The following CPXM2 variants were observed in gnomAD, a reference collection of about 807,000 sequenced individuals.
CPXM2 encodes the protein carboxypeptidase X, M14 family member 2, also known as inactive carboxypeptidase-like protein X2.
A neutral mutation model predicts 86.1 loss-of-function variants in CPXM2; 66 were observed. The observed-to-expected ratio is 0.77, with a 90% CI of 0.63 to 0.94. The LOEUF (loss-of-function observed/expected upper bound fraction) is 0.94. CPXM2 is among the 40% of genes least tolerant of loss of function. The pLI is 0.00. For synonymous variants in CPXM2, 388 were observed against 400.2 expected (o/e 0.97, Z 0.36); for missense variants, 948 against 1,026.3 (o/e 0.92, Z 1.04).
chr10:123,842,061 G>A (rs781284228), intron 4 of CPXM2, among the ~76,000 whole-genome samples: 2 of 152,206 alleles, frequency 1.3e-5, no homozygotes, highest in African/African-American at 2.4e-5. Context: ...TCCCAGAGCT[G>A]CCTAAACCGC....
At position 123,880,247 on chromosome 10, in the gene CPXM2, G is replaced by A; in HGVS notation, c.367C>T (p.His123Tyr). 2 of 1,596,004 alleles carry A rather than the reference G, an allele frequency of 1.3e-6. No individual in the cohort carries two copies. The highest frequency in any genetic ancestry group is 1.7e-6 in the Non-Finnish European group (2 of 1,166,352). The stretch of plus-strand genomic sequence containing the variant: ...TCTTCACGGGCCACACGGACACTGT[G>A]ATCATCGTTGGCAGCCTTCTCAGAG... Reference protein sequence around the residue: ...KSSEKAANDDHSVRVAREDVR... With the variant: ...KSSEKAANDDYSVRVAREDVR... The change falls in exon 2 of 14, where the codon CAC becomes TAC. Residue 123 changes from histidine to tyrosine, a missense_variant. Coordinates refer to ENST00000241305, the MANE Select transcript of CPXM2 (RefSeq NM_198148.3).
intron 3 of CPXM2, among the ~76,000 whole-genome samples, chr10:123,847,512 C>T (rs1168246188): frequency 4.6e-5 from 7 of 150,972 alleles, no homozygotes; most frequent in Admixed American, 4.0e-4. Flanking sequence ...GGCAACAGGG[C>T]GAGACTCTGT....
At chr10:123,859,996 C>T (rs377126764) in intron 3 of CPXM2, among the ~76,000 whole-genome samples, 4 of 152,318 alleles carry the variant, frequency 2.6e-5, no homozygotes, top group African/African-American at 9.6e-5. Flanking sequence ...CGTCCATATC[C>T]TCAGTGCACC....
chr10:123,798,894 G>A (rs549499357), intron 5 of CPXM2, among the ~76,000 whole-genome samples: 1 of 152,302 alleles, frequency 6.6e-6, no homozygotes, highest in Admixed American at 6.5e-5. Context: ...GTTGCCTGAT[G>A]GGAGTAAATA....
chr10:123,931,813 A>C (rs1341309944), intron 2 of CPXM2, among the ~76,000 whole-genome samples: 1 of 152,222 alleles, frequency 6.6e-6, no homozygotes, highest in East Asian at 1.9e-4. Flanking sequence ...ATATGTAAAA[A>C]GGTGTTTATC....
intron 2 of CPXM2, among the ~76,000 whole-genome samples, chr10:123,913,007 A>T (rs1945503264): frequency 6.6e-6 from 1 of 152,148 alleles, no homozygotes; most frequent in African/African-American, 2.4e-5. Flanking sequence ...AGCGATGGAA[A>T]TGGATCCCCG....
intron 7 of CPXM2, chr10:123,777,500 C>T (rs1017285002): frequency 6.6e-6 from 1 of 152,098 alleles, no homozygotes; most frequent in African/African-American, 2.4e-5. Context: ...AGAGGCCCGC[C>T]CTCCATACAA....
At chr10:123,820,742 G>A (rs1481655333) in intron 4 of CPXM2, among the ~76,000 whole-genome samples, 1 of 152,102 alleles carries the variant, frequency 6.6e-6, no homozygotes, top group African/African-American at 2.4e-5. Context: ...CTGGCTGGTG[G>A]CCACCTTTAT....
chr10:123,859,776 C>T (rs111651985), intron 3 of CPXM2, among the ~76,000 whole-genome samples: 2,576 of 152,302 alleles, frequency 0.017, 70 homozygotes, highest in African/African-American at 0.058. Flanking sequence ...CAGGAGAGTG[C>T]GCTCAGCCAA....
intron 13 of CPXM2, chr10:123,750,417 T>A (rs1193950056): frequency 1.0e-6 from 1 of 979,282 alleles, no homozygotes; most frequent in African/African-American, 1.8e-5. Flanking sequence ...CTCTGAGCCT[T>A]TGCAATTACT....
In CPXM2 at chr10:123,891,736, G is replaced by A. The variant is rs182253601; in HGVS notation, c.-77C>T. The A allele has an allele frequency of 3.1e-5, 36 of 1,154,144 alleles. No homozygotes were observed. The Admixed American group carries it at 4.3e-4, about 14-fold the overall frequency. 71.5% of individuals were successfully genotyped at this position (1,154,144 alleles called of 1,614,324 possible). A position where few individuals can be genotyped will look rare whatever the true frequency, so the allele number is the denominator to read the frequency against. ...GCGGGCTGCGGGCGCAGAAGCTGGC[G>A]CGGGGCAAGGGCGCAGGGCACAGCA... On this transcript the variant is annotated 5_prime_UTR_variant, in exon 1 of 14. Coordinates refer to ENST00000241305, the MANE Select transcript of CPXM2 (RefSeq NM_198148.3). The surrounding 1 kb of genome is among the most constrained non-coding windows in gnomAD (Gnocchi z 5.6).
intron 4 of CPXM2, among the ~76,000 whole-genome samples, chr10:123,839,348 A>G (rs1048631361): frequency 4.6e-5 from 7 of 152,194 alleles, no homozygotes; most frequent in Non-Finnish European, 1.0e-4. Context: ...CCTTACATGT[A>G]TAATATAAAT....
At chr10:123,912,822 G>A (rs74162974) in intron 2 of CPXM2, among the ~76,000 whole-genome samples, 6,265 of 152,180 alleles carry the variant, frequency 0.041, 442 homozygotes, top group African/African-American at 0.14. Flanking sequence ...AGTTATTTTT[G>A]TCTCTGAAGC....
At position 123,770,925 on chromosome 10, in the gene CPXM2, G is replaced by A; in HGVS notation, c.1093C>T (p.His365Tyr). ...GAGGGGCCCTTCTCACCGACTTCAT[G>A]CTCCCCAGGGTGATCTGAGATCTCC... is the stretch of plus-strand genomic sequence containing the variant. ...AVEISDHPGEHEVGEPEFHYI... is the reference protein window; with the variant it reads ...AVEISDHPGEYEVGEPEFHYI... The change falls in exon 8 of 14, where the codon CAT becomes TAT. Residue 365 changes from histidine to tyrosine, a missense_variant. Physicochemically the swap from His to Tyr is moderately conservative, Grantham distance 83. Transcript: ENST00000241305. The A allele has an allele frequency of 6.2e-7, 1 of 1,609,500 alleles. No individual in the cohort carries two copies. Among genetic ancestry groups the A allele is most frequent in the Non-Finnish European group, 8.5e-7 (1 of 1,178,738 alleles).
intron 13 of CPXM2, among the ~76,000 whole-genome samples, chr10:123,753,133 C>T (rs1013008109): frequency 1.6e-4 from 24 of 152,000 alleles, no homozygotes; most frequent in Non-Finnish European, 7.4e-5. Context: ...CCCAGAGACC[C>T]CCCGGGGAAG....
At chr10:123,831,840 T>C (rs1848171223) in intron 4 of CPXM2, among the ~76,000 whole-genome samples, 1 of 151,822 alleles carries the variant, frequency 6.6e-6, no homozygotes, top group Non-Finnish European at 1.5e-5. Context: ...GTCAAGCAAT[T>C]AGCAGCCTTA....
intron 3 of CPXM2, among the ~76,000 whole-genome samples, chr10:123,853,556 T>C (rs1402299902): frequency 1.3e-5 from 2 of 152,204 alleles, no homozygotes. Context: ...ACATGAAAGG[T>C]TTCCAGAGGT....
intron 2 of CPXM2, among the ~76,000 whole-genome samples, chr10:123,904,816 C>A (rs1225092132): frequency 1.3e-5 from 2 of 152,192 alleles, no homozygotes; most frequent in Non-Finnish European, 2.9e-5. Context: ...ACCCATCTAC[C>A]ACTTCCTTCT....
At chr10:123,864,394 G>A (rs1312987960) in intron 2 of CPXM2, among the ~76,000 whole-genome samples, 1 of 152,216 alleles carries the variant, frequency 6.6e-6, no homozygotes, top group East Asian at 1.9e-4. Context: ...AGGGACCTGG[G>A]GGGTTTCAGA....
Sources: gnomAD v4.1 joint callset for allele counts (sites outside exome capture counted in the v4.1 genomes callset) on GRCh38, gnomAD v4.1.1 for gene constraint, Gnocchi (gnomAD v3.1) non-coding constraint, MANE v1.5 for transcripts, NCBI Gene and HGNC (gene_info 2026-07-23, HGNC 2026-07-21) for gene names.